The following NCKAP1L variants were observed in gnomAD, a reference collection of about 807,000 sequenced individuals.
NCKAP1L encodes the protein nck-associated protein 1-like.
NCKAP1L carries 53 observed loss-of-function variants against 139.2 expected under a neutral mutation model. The observed-to-expected ratio is 0.38, with a 90% CI of 0.31 to 0.48. The LOEUF (loss-of-function observed/expected upper bound fraction) is 0.48, where lower values mean the gene tolerates loss of function less well. Among genes scored for constraint, NCKAP1L ranks in the 20% least tolerant of loss-of-function variants. NCKAP1L has a pLI of 0.98. For synonymous variants in NCKAP1L, 468 were observed against 499.7 expected (o/e 0.94, Z 0.85); for missense variants, 1,151 against 1,381.9 (o/e 0.83, Z 2.65).
At chr12:54,515,694 G>C (rs1349720717) in intron 9 of NCKAP1L, among the ~76,000 whole-genome samples, 1 of 152,214 alleles carries the variant, frequency 6.6e-6, no homozygotes, top group Non-Finnish European at 1.5e-5. Flanking sequence ...AATACGGGAG[G>C]CTTTGAACTT....
In NCKAP1L at chr12:54,526,744, C is replaced by G; in HGVS notation, c.2373C>G (p.Asn791Lys). ...GEQTITTLYT[N>K]WYLESLLRQA... is the part of the protein sequence containing the mutation. ...AGACAATCACCACACTCTACACAAA[C>G]TGGTCAGTGTTGCTTAGGCTTTTCC... Residue 791 changes from asparagine (N) to lysine (K), a missense_variant and splice_region_variant, in exon 21 of 31, where the codon AAC becomes AAG. Coordinates refer to ENST00000293373, the MANE Select transcript of NCKAP1L (RefSeq NM_005337.5). 1 of 1,612,910 alleles carries G rather than the reference C, an allele frequency of 6.2e-7. No homozygotes were observed. The highest frequency in any genetic ancestry group is 1.1e-5 in the South Asian group (1 of 90,982).
intron 21 of NCKAP1L, among the ~76,000 whole-genome samples, chr12:54,527,775 C>G (rs1250521670): frequency 6.6e-6 from 1 of 152,162 alleles, no homozygotes; most frequent in Non-Finnish European, 1.5e-5. Flanking sequence ...TAGCCCAGCT[C>G]CTTTAAGTTT....
intron 22 of NCKAP1L, among the ~76,000 whole-genome samples, chr12:54,529,289 CA>C (rs1370411866): frequency 6.6e-6 from 1 of 152,140 alleles, no homozygotes; most frequent in Non-Finnish European, 1.5e-5. Flanking sequence ...TTTTGTGTCT[CA>C]GGGGGAGACA....
At chr12:54,515,628 G>A (rs1198644000) in intron 9 of NCKAP1L, among the ~76,000 whole-genome samples, 1 of 152,240 alleles carries the variant, frequency 6.6e-6, no homozygotes, top group Admixed American at 6.5e-5. Flanking sequence ...GTTTGGTGGT[G>A]TGGGAAAATA....
intron 26 of NCKAP1L, among the ~76,000 whole-genome samples, 186 bp downstream of exon 26, chr12:54,532,436 G>T (rs1397425535): frequency 1.3e-5 from 2 of 152,106 alleles, no homozygotes; most frequent in Admixed American, 6.6e-5. Flanking sequence ...AGATGTAGGG[G>T]GATGGAGAGA....
Position 54,546,658 on chromosome 12 carries a change from C to T in NCKAP1L, c.*3973C>T, listed in dbSNP as rs1243607508. ...TCTTCCAGTCCTCCTCCCCACAGGG[C>T]CTCCTGCTTCTCCTAAGTACCTGTC... On this transcript the variant is annotated 3_prime_UTR_variant, in exon 31 of 31. Transcript: ENST00000293373. 1 of 152,254 alleles carries T rather than the reference C, an allele frequency of 6.6e-6. No individual in the cohort carries two copies. The highest frequency in any genetic ancestry group is 1.5e-5 in the Non-Finnish European group (1 of 68,082). The allele number at this position is 152,254 out of a possible 1,614,324, so 9.4% of individuals were successfully genotyped here.
chr12:54,498,881 T>A (rs1243021747), intron 1 of NCKAP1L: 1 of 686,160 alleles, frequency 1.5e-6, no homozygotes, highest in East Asian at 1.4e-4. Flanking sequence ...CTTGGAATTT[T>A]TTCTTGACCT....
intron 11 of NCKAP1L, 81 bp from the exon 12 acceptor site, chr12:54,517,452 A>G: frequency 1.1e-6 from 1 of 917,990 alleles, no homozygotes. Flanking sequence ...ATCCATACCT[A>G]TATTATCATG....
intron 18 of NCKAP1L, among the ~76,000 whole-genome samples, chr12:54,522,343 T>A (rs920831872): frequency 3.9e-4 from 59 of 152,368 alleles, no homozygotes; most frequent in African/African-American, 1.4e-3. Flanking sequence ...TAACTACTAC[T>A]TGCAAGAACA....
rs75333934 is a variant in NCKAP1L, at chr12:54,536,220, T to C, written c.3048T>C (p.Ser1016=). ...TCCCACTCCTTGCCACTGACCCTTC[T>C]TCCTTTTATAGCATTGAGAAGGATG... The part of the protein sequence containing the change: ...VSLPLLATDP[S]SFYSIEKDGY... Residue 1016 remains serine, a synonymous_variant, in exon 28 of 31, where the codon TCT becomes TCC. Coordinates refer to ENST00000293373, the MANE Select transcript of NCKAP1L (RefSeq NM_005337.5). 2.3e-4 allele frequency: 374 copies of C among 1,612,820 alleles called. No individual in the cohort carries two copies. In the African/African-American group the frequency reaches 3.6e-3, roughly 15 times the overall value.
At position 54,523,528 on chromosome 12, in the gene NCKAP1L, C is replaced by T; in HGVS notation, c.2013C>T (p.Ser671=). 1 of 1,613,296 alleles carries T rather than the reference C, an allele frequency of 6.2e-7. No individual in the cohort carries two copies. The highest frequency in any genetic ancestry group is 8.5e-7 in the Non-Finnish European group (1 of 1,179,822). Residue 671 remains serine (S), a synonymous_variant, in exon 19 of 31, where the codon AGC becomes AGT. Coordinates refer to ENST00000293373, the MANE Select transcript of NCKAP1L (RefSeq NM_005337.5). ...CTGAGAGTCACCGGAAGAACCGCAG[C>T]ATTGTCACCAAGTGAGGACCTGGGC... ...PGAESHRKNR[S]IVTNMDKLHL...
intron 30 of NCKAP1L, 78 bp from the exon 31 acceptor site, chr12:54,542,497 G>A (rs1957165777): frequency 1.9e-6 from 2 of 1,066,382 alleles, no homozygotes; most frequent in African/African-American, 1.6e-5. Flanking sequence ...GAGGGCCTGG[G>A]AACTATGCAA....
chr12:54,517,135 A>C (rs1045516983), intron 11 of NCKAP1L, 143 bp downstream of exon 11: 3 of 683,968 alleles, frequency 4.4e-6, no homozygotes, highest in Non-Finnish European at 7.6e-6. Context: ...ACATTCTTGG[A>C]GTATCCCAAA....
chr12:54,514,088 T>C (rs753340039), intron 9 of NCKAP1L, among the ~76,000 whole-genome samples: 2 of 152,122 alleles, frequency 1.3e-5, no homozygotes, highest in African/African-American at 4.8e-5. Context: ...TTATGTTCTA[T>C]GGTTTGCTTA....
chr12:54,508,618 A>C, intron 5 of NCKAP1L, 87 bp downstream of exon 5: 2 of 1,334,288 alleles, frequency 1.5e-6, no homozygotes, highest in Non-Finnish European at 2.1e-6. Context: ...AATTGATGCC[A>C]TGATTTCTTA....
intron 3 of NCKAP1L, among the ~76,000 whole-genome samples, chr12:54,503,860 C>T (rs1956821357): frequency 6.6e-6 from 1 of 151,936 alleles, no homozygotes; most frequent in Admixed American, 6.6e-5. Flanking sequence ...AAGCTGGCCT[C>T]GAACTCCTGA....
At chr12:54,510,137 A>G in intron 7 of NCKAP1L, 152 bp downstream of exon 7, 2 of 1,136,602 alleles carry the variant, frequency 1.8e-6, no homozygotes, top group South Asian at 1.6e-5. Context: ...TCTTGTAGCT[A>G]AAAAATCATG....
At chr12:54,509,631 A>C in intron 5 of NCKAP1L, 38 bp from the exon 6 acceptor site, 1 of 1,392,204 alleles carries the variant, frequency 7.2e-7, no homozygotes, top group South Asian at 1.2e-5. Flanking sequence ...GTCATGGGTA[A>C]GGGAGGGCTG....
chr12:54,499,127 T>C (rs1057402372), intron 1 of NCKAP1L, among the ~76,000 whole-genome samples: 3 of 152,178 alleles, frequency 2.0e-5, no homozygotes, highest in African/African-American at 2.4e-5. Context: ...GGTTTCACCA[T>C]GTTGGCCAGG....
Sources: gnomAD v4.1 joint callset for allele counts (sites outside exome capture counted in the v4.1 genomes callset) on GRCh38, gnomAD v4.1.1 for gene constraint, MANE v1.5 for transcripts, NCBI Gene and HGNC (gene_info 2026-07-23, HGNC 2026-07-21) for gene names.